Variants in ITCH observed in about 807,000 individuals in gnomAD.
ITCH encodes the protein itchy E3 ubiquitin protein ligase, also known as E3 ubiquitin-protein ligase Itchy homolog.
Under a neutral mutation model 126.8 loss-of-function variants are expected in ITCH, and 28 were observed. That is an observed-to-expected ratio of 0.22 (90% CI 0.16 to 0.30). ITCH has a LOEUF of 0.30. ITCH is among the 10% of genes least tolerant of loss of function. ITCH has a pLI of 1.00. For synonymous variants in ITCH, 342 were observed against 340.0 expected (o/e 1.01, Z -0.06); for missense variants, 631 against 1,032.4 (o/e 0.61, Z 5.33).
intron 7 of ITCH, among the ~76,000 whole-genome samples, chr20:34,432,640 A>G (rs6088498): frequency 0.41 from 61,878 of 152,096 alleles, 14,075 homozygotes; most frequent in Non-Finnish European, 0.5. Context: ...ATGGGAGAAC[A>G]GGTCAATTAT....
At chr20:34,417,146 G>C in intron 6 of ITCH, 1 of 684,236 alleles carries the variant, frequency 1.5e-6, no homozygotes, top group South Asian at 1.5e-5. Flanking sequence ...GCCCAGGCTG[G>C]AGTGCAATAG....
At chr20:34,372,778 G>C (rs2037689931) in intron 2 of ITCH, among the ~76,000 whole-genome samples, 1 of 152,096 alleles carries the variant, frequency 6.6e-6, no homozygotes, top group Non-Finnish European at 1.5e-5. Context: ...CTGTTGAGCT[G>C]CTATTGTGCT....
chr20:34,386,677 T>C (rs2038295194), intron 2 of ITCH, among the ~76,000 whole-genome samples: 1 of 152,216 alleles, frequency 6.6e-6, no homozygotes, highest in Non-Finnish European at 1.5e-5. Flanking sequence ...TAAGTCACAA[T>C]AGATGTGGCC....
intron 20 of ITCH, among the ~76,000 whole-genome samples, chr20:34,483,688 GTCT>G (rs1988917617): frequency 6.6e-6 from 1 of 152,152 alleles, no homozygotes; most frequent in Non-Finnish European, 1.5e-5. Context: ...ACATTTTCCT[GTCT>G]TCTTCTGAGC....
chr20:34,407,380 C>T (rs1265280372), intron 3 of ITCH, among the ~76,000 whole-genome samples: 1 of 152,148 alleles, frequency 6.6e-6, no homozygotes, highest in Non-Finnish European at 1.5e-5. Context: ...AATTCTCCTG[C>T]CTCAGCCTCC....
chr20:34,457,973 C>CA (rs1039882756), intron 13 of ITCH, among the ~76,000 whole-genome samples: 4 of 151,526 alleles, frequency 2.6e-5, no homozygotes, highest in African/African-American at 7.3e-5. Context: ...AATAGAAAAG[C>CA]AAAAAAAATT....
chr20:34,453,214 T>A (rs766144397), intron 12 of ITCH, among the ~76,000 whole-genome samples: 56 of 152,356 alleles, frequency 3.7e-4, no homozygotes, highest in Admixed American at 5.2e-4. Flanking sequence ...CAGCAGCATA[T>A]ACTTAGAATA....
intron 2 of ITCH, among the ~76,000 whole-genome samples, chr20:34,391,110 C>T (rs1051365314): frequency 6.6e-6 from 1 of 152,112 alleles, no homozygotes; most frequent in East Asian, 1.9e-4. Flanking sequence ...AAGAATCTGG[C>T]GCTCAGGGGA....
At chr20:34,476,406 C>G in intron 16 of ITCH, 1 of 1,238,398 alleles carries the variant, frequency 8.1e-7, no homozygotes, top group Non-Finnish European at 1.0e-6. Flanking sequence ...GGTGCAGCCA[C>G]CGGCCGGCCG....
intron 2 of ITCH, among the ~76,000 whole-genome samples, chr20:34,375,615 A>G (rs1022130283): frequency 2.7e-5 from 4 of 149,452 alleles, no homozygotes; most frequent in East Asian, 2.0e-4. Flanking sequence ...TGATAAATAT[A>G]TACCTTTTTT....
At chr20:34,505,419 C>G (rs1232500709) in intron 24 of ITCH, among the ~76,000 whole-genome samples, 1 of 152,072 alleles carries the variant, frequency 6.6e-6, no homozygotes, top group Non-Finnish European at 1.5e-5. Context: ...TTTCACCCTC[C>G]CAAAAATCCA....
chr20:34,478,411 T>G (rs1364005425), intron 17 of ITCH, among the ~76,000 whole-genome samples: 1 of 152,234 alleles, frequency 6.6e-6, no homozygotes, highest in Admixed American at 6.5e-5. Flanking sequence ...ATATTGGAGC[T>G]TAATATTGGA....
intron 7 of ITCH, among the ~76,000 whole-genome samples, chr20:34,426,286 C>T (rs1317444208): frequency 6.6e-6 from 1 of 152,084 alleles, no homozygotes; most frequent in Non-Finnish European, 1.5e-5. Flanking sequence ...GAAAATTATC[C>T]ACAAAGATGG....
rs565736304 is a variant in ITCH at position 34,493,341 on chromosome 20, G to T, written c.2416+744G>T. On this transcript the variant is annotated intron_variant, in intron 23 of 24. Transcript: ENST00000374864. ...CCAGAAAAAGAATTTGGATATTACC[G>T]TGAGGGTATTGGAAGCTGTGGAACT... is the stretch of plus-strand genomic sequence containing the variant. 6.6e-5 allele frequency among the ~76,000 whole-genome samples: 10 copies of T among 152,290 alleles called. No homozygotes were observed. The East Asian group carries it at 1.9e-3, about 29-fold the overall frequency.
Position 34,471,512 on chromosome 20 carries a change from ACAGG to A in ITCH, c.1567_1569+1del. On this transcript the variant is annotated splice_donor_variant and coding_sequence_variant, in exon 16 of 25. Coordinates refer to ENST00000374864, the MANE Select transcript of ITCH (RefSeq NM_031483.7). LOFTEE classifies it high-confidence loss of function. ...AAACATTGTTTGAGGATTCCTTTCA[ACAGG>A]TACTGTTTCATTCTCTCAATAATTT... 6.3e-7 allele frequency: 1 copy of A among 1,583,120 alleles called. No individual in the cohort carries two copies. The highest frequency in any genetic ancestry group is 8.7e-7 in the Non-Finnish European group (1 of 1,151,660).
chr20:34,461,271 A>G (rs962164188), intron 13 of ITCH, among the ~76,000 whole-genome samples: 2 of 152,218 alleles, frequency 1.3e-5, no homozygotes, highest in African/African-American at 4.8e-5. Context: ...ATCATTGGTA[A>G]TGGTGGAACA....
intron 23 of ITCH, among the ~76,000 whole-genome samples, chr20:34,501,404 A>G (rs1990237729): frequency 6.6e-6 from 1 of 152,228 alleles, no homozygotes; most frequent in Admixed American, 6.5e-5. Context: ...ATGTTAGAAG[A>G]TATACCTAAG....
At chr20:34,493,672 G>A (rs180963433) in intron 23 of ITCH, among the ~76,000 whole-genome samples, 5 of 152,314 alleles carry the variant, frequency 3.3e-5, no homozygotes, top group Admixed American at 1.3e-4. Context: ...AGTATGCATC[G>A]TTGTAGATGT....
chr20:34,455,629 ATT>A (rs71194608), intron 12 of ITCH, among the ~76,000 whole-genome samples: 351 of 144,876 alleles, frequency 2.4e-3, no homozygotes, highest in Admixed American at 5.2e-3. Flanking sequence ...TGCCTGGCTA[ATT>A]TTTTTTTTTT....
Sources: gnomAD v4.1 joint callset for allele counts (sites outside exome capture counted in the v4.1 genomes callset) on GRCh38, gnomAD v4.1.1 for gene constraint, MANE v1.5 for transcripts, NCBI Gene and HGNC (gene_info 2026-07-23, HGNC 2026-07-21) for gene names.